Variants in BRAF observed in about 807,000 individuals in gnomAD.
BRAF encodes the protein B-Raf proto-oncogene, serine/threonine kinase, also known as serine/threonine-protein kinase B-raf.
BRAF carries 16 observed loss-of-function variants against 104.6 expected under a neutral mutation model. The observed-to-expected ratio is 0.15, with a 90% confidence interval of 0.10 to 0.23. The LOEUF is 0.23. Among genes scored for constraint, BRAF ranks in the 10% least tolerant of loss-of-function variants. BRAF has a pLI of 1.00. For missense variants in BRAF, 541 were observed against 937.3 expected (o/e 0.58, Z 5.52); for synonymous variants, 310 against 341.6 (o/e 0.91, Z 1.02).
intron 14 of BRAF, among the ~76,000 whole-genome samples, chr7:140,755,013 T>C (rs572529473): frequency 1.3e-5 from 2 of 152,202 alleles, no homozygotes; most frequent in Non-Finnish European, 2.9e-5. Flanking sequence ...AAGGCAGCAT[T>C]GTTGTTGTTG....
intron 2 of BRAF, among the ~76,000 whole-genome samples, chr7:140,846,423 A>G (rs1405954058): frequency 6.6e-6 from 1 of 152,254 alleles, no homozygotes; most frequent in Non-Finnish European, 1.5e-5. Context: ...CAAAAGGACA[A>G]ATATTATATG....
intron 1 of BRAF, among the ~76,000 whole-genome samples, chr7:140,856,726 G>A (rs1167267852): frequency 6.6e-6 from 1 of 152,154 alleles, no homozygotes; most frequent in Non-Finnish European, 1.5e-5. Flanking sequence ...GTTAATCTGG[G>A]AGGTAAACAG....
At chr7:140,784,836 G>A (rs1217287144) in intron 10 of BRAF, among the ~76,000 whole-genome samples, 1 of 151,948 alleles carries the variant, frequency 6.6e-6, no homozygotes, top group Non-Finnish European at 1.5e-5. Flanking sequence ...TTGTAGAGAC[G>A]GGGTTTCACC....
intron 14 of BRAF, among the ~76,000 whole-genome samples, chr7:140,760,340 G>C (rs1023391148): frequency 1.2e-4 from 18 of 151,600 alleles, no homozygotes; most frequent in African/African-American, 4.4e-4. Context: ...TTGAACCCTG[G>C]AGACAGAGGT....
At chr7:140,900,391 T>C (rs1369105255) in intron 1 of BRAF, among the ~76,000 whole-genome samples, 1 of 152,218 alleles carries the variant, frequency 6.6e-6, no homozygotes, top group East Asian at 1.9e-4. Context: ...ATCTTTAACC[T>C]ACAAGAAATT....
At chr7:140,920,820 A>G (rs979657206) in intron 1 of BRAF, among the ~76,000 whole-genome samples, 2 of 152,234 alleles carry the variant, frequency 1.3e-5, no homozygotes, top group African/African-American at 2.4e-5. Flanking sequence ...AATACCAAAG[A>G]CAAACAACTA....
intron 1 of BRAF, among the ~76,000 whole-genome samples, chr7:140,904,828 C>T (rs1221586677): frequency 1.3e-5 from 2 of 152,098 alleles, no homozygotes; most frequent in Admixed American, 6.6e-5. Context: ...AGGCTGGTCT[C>T]GAACTCCAGC....
intron 1 of BRAF, among the ~76,000 whole-genome samples, chr7:140,855,007 T>C (rs1335604733): frequency 6.6e-6 from 1 of 152,104 alleles, no homozygotes; most frequent in Non-Finnish European, 1.5e-5. Flanking sequence ...ACCATAAGTG[T>C]CTGGAAGTCA....
chr7:140,850,039 T>C lies in BRAF; in HGVS notation c.240+72A>G, dbSNP rs71645941. 1,072 of 1,089,510 alleles carry C rather than the reference T, an allele frequency of 9.8e-4. 3 individuals are homozygous for C. In the African/African-American group the frequency reaches 0.015, roughly 15 times the overall value. 67.5% of individuals were successfully genotyped at this position (1,089,510 alleles called of 1,614,324 possible). ...CCACCTCCTAAAATAATCAAGATTA[T>C]CAGTACAAATGTTTTTATAAGTTCA... On this transcript the variant is annotated intron_variant, in intron 2 of 19. Transcript: ENST00000644969.
At chr7:140,887,072 G>C (rs1162738114) in intron 1 of BRAF, among the ~76,000 whole-genome samples, 1 of 152,190 alleles carries the variant, frequency 6.6e-6, no homozygotes. Context: ...AGGTAGCAAG[G>C]AGGAAGCCAC....
intron 14 of BRAF, among the ~76,000 whole-genome samples, chr7:140,774,127 A>G (rs1800109543): frequency 6.6e-6 from 1 of 152,196 alleles, no homozygotes; most frequent in African/African-American, 2.4e-5. Context: ...AAGAAACTAT[A>G]TCCTCCTTGG....
chr7:140,870,643 A>C (rs1811473367), intron 1 of BRAF, among the ~76,000 whole-genome samples: 1 of 139,510 alleles, frequency 7.2e-6, no homozygotes, highest in Admixed American at 6.9e-5. Context: ...AAAAAAAAAA[A>C]AAAACCTAGT....
At chr7:140,894,297 G>C (rs1232933561) in intron 1 of BRAF, among the ~76,000 whole-genome samples, 1 of 152,172 alleles carries the variant, frequency 6.6e-6, no homozygotes, top group Non-Finnish European at 1.5e-5. Flanking sequence ...AGAACTACTT[G>C]ATAGGAAAAT....
chr7:140,794,577 T>C (rs763524645), intron 7 of BRAF, 110 bp from the exon 8 acceptor site: 50 of 1,284,110 alleles, frequency 3.9e-5, no homozygotes, highest in Non-Finnish European at 4.5e-5. Flanking sequence ...CTCAAAATCA[T>C]TAAAGCATTA....
intron 1 of BRAF, among the ~76,000 whole-genome samples, chr7:140,887,957 C>A (rs930021209): frequency 7.2e-5 from 11 of 151,790 alleles, no homozygotes; most frequent in Admixed American, 6.6e-4. Context: ...CAGCTCACTG[C>A]AACCTCCTGG....
At position 140,750,348 on chromosome 7, in the gene BRAF, C is replaced by T. The variant is rs185797445; in HGVS notation, c.1981-930G>A. Reference sequence around the variant, plus strand: ...TTATTGCTCTGGGTAAGGCAGGCATCTCACAAGGAGAGGCAATAATGGCAC... The same window carrying T: ...TTATTGCTCTGGGTAAGGCAGGCATTTCACAAGGAGAGGCAATAATGGCAC... On this transcript the variant is annotated intron_variant, in intron 16 of 19. Coordinates refer to ENST00000644969, the MANE Select transcript of BRAF (RefSeq NM_001374258.1). Among the ~76,000 whole-genome samples, 223 of 152,288 alleles carry T rather than the reference C, an allele frequency of 1.5e-3. 2 individuals carry two copies. Among genetic ancestry groups the T allele is most frequent in the African/African-American group, 5.1e-3 (212 of 41,548 alleles).
downstream of BRAF, among the ~76,000 whole-genome samples, chr7:140,715,415 T>A (rs1264458121): frequency 1.3e-5 from 2 of 152,176 alleles, no homozygotes; most frequent in African/African-American, 4.8e-5. Flanking sequence ...GTTTCATTTT[T>A]CCTTGTCTTC....
chr7:140,851,309 C>T (rs538456918), intron 1 of BRAF, among the ~76,000 whole-genome samples: 2 of 152,192 alleles, frequency 1.3e-5, no homozygotes, highest in Middle Eastern at 6.8e-3. Flanking sequence ...TCTAAATCTG[C>T]AGCTTTAAGG....
chr7:140,734,199 C>G, intron 19 of BRAF: 1 of 1,096,822 alleles, frequency 9.1e-7, no homozygotes, highest in Non-Finnish European at 1.1e-6. Flanking sequence ...CGACTGCCAA[C>G]TTCTCACCTG....
Sources: gnomAD v4.1 joint callset for allele counts (sites outside exome capture counted in the v4.1 genomes callset) on GRCh38, gnomAD v4.1.1 for gene constraint, MANE v1.5 for transcripts, NCBI Gene and HGNC (gene_info 2026-07-23, HGNC 2026-07-21) for gene names.